The following SLC12A8 variants were observed in gnomAD, a reference collection of about 807,000 sequenced individuals.
The protein encoded by SLC12A8 is cation-chloride cotransporter 9.
In SLC12A8, 69 loss-of-function variants were observed where a neutral mutation model predicts 75.6. The ratio of observed to expected loss-of-function variants is 0.91; its 90% CI spans 0.75 to 1.11. The LOEUF (loss-of-function observed/expected upper bound fraction) is 1.11, where lower values mean the gene tolerates loss of function less well. SLC12A8 is among the 50% of genes most tolerant of loss of function. The pLI is 0.00. For missense variants in SLC12A8, 877 were observed against 896.7 expected (o/e 0.98, Z 0.28); for synonymous variants, 365 against 372.8 (o/e 0.98, Z 0.24).
chr3:125,153,997 C>T (rs1361270879), intron 5 of SLC12A8, among the ~76,000 whole-genome samples: 2 of 152,206 alleles, frequency 1.3e-5, no homozygotes, highest in African/African-American at 4.8e-5. Flanking sequence ...ACCCACCCAC[C>T]TTGGCCTCCC....
chr3:125,162,114 T>C (rs995265990), intron 5 of SLC12A8, among the ~76,000 whole-genome samples: 2 of 152,114 alleles, frequency 1.3e-5, no homozygotes, highest in African/African-American at 4.8e-5. Context: ...GCCTGGGGAG[T>C]ATCCATCGCC....
intron 5 of SLC12A8, among the ~76,000 whole-genome samples, chr3:125,162,265 C>T (rs2107778346): frequency 6.6e-6 from 1 of 152,332 alleles, no homozygotes; most frequent in South Asian, 2.1e-4. Flanking sequence ...GAGCCCCTGC[C>T]CACAGCAAGC....
intron 5 of SLC12A8, among the ~76,000 whole-genome samples, chr3:125,172,508 A>G (rs868785213): frequency 2.0e-5 from 3 of 152,296 alleles, no homozygotes; most frequent in South Asian, 2.1e-4. Flanking sequence ...AAGCCTTCAG[A>G]TGACCACAGA....
At chr3:125,208,525 A>T (rs994889394) in intron 2 of SLC12A8, among the ~76,000 whole-genome samples, 3 of 152,158 alleles carry the variant, frequency 2.0e-5, no homozygotes. Context: ...TACACAAATT[A>T]TCTCTTTTAA....
intron 5 of SLC12A8, among the ~76,000 whole-genome samples, chr3:125,146,113 A>G (rs1269319849): frequency 6.6e-6 from 1 of 152,246 alleles, no homozygotes; most frequent in Non-Finnish European, 1.5e-5. Context: ...TATAGGCATG[A>G]GCCACTGCGC....
chr3:125,187,255 C>A lies in SLC12A8; in HGVS notation c.372G>T (p.Leu124=). 2.5e-6 allele frequency: 4 copies of A among 1,614,164 alleles called. No homozygotes were observed. The highest frequency in any genetic ancestry group is 3.4e-6 in the Non-Finnish European group (4 of 1,180,008). ...LGGQTGGTIG[L]LYVFGQCVAG... is the part of the protein sequence containing the mutation. ...GCCTCACCTGTCCAAACACATAGAG[C>A]AGCCCGATGGTGCCTCCCGTCTGCC... Residue 124 remains leucine, a synonymous_variant, in exon 4 of 14, where the codon CTG becomes CTT. Transcript: ENST00000469902.
At chr3:125,119,765 C>T in intron 7 of SLC12A8, 2 of 434,720 alleles carry the variant, frequency 4.6e-6, no homozygotes, top group East Asian at 7.2e-5. Flanking sequence ...GAAACAGATA[C>T]ATTAATATTT....
intron 8 of SLC12A8, among the ~76,000 whole-genome samples, chr3:125,115,057 G>T (rs1230049419): frequency 6.6e-6 from 1 of 152,172 alleles, no homozygotes; most frequent in Non-Finnish European, 1.5e-5. Flanking sequence ...GAGTGTGGAA[G>T]GGAGTTAAAA....
chr3:125,099,800 C>T (rs1262062746), intron 10 of SLC12A8, among the ~76,000 whole-genome samples: 1 of 152,002 alleles, frequency 6.6e-6, no homozygotes, highest in Non-Finnish European at 1.5e-5. Context: ...TGGTGGTGGG[C>T]ATCTGTAATC....
intron 13 of SLC12A8, 71 bp downstream of exon 13, chr3:125,088,239 G>T: frequency 1.3e-6 from 2 of 1,496,582 alleles, no homozygotes; most frequent in Non-Finnish European, 9.3e-7. Flanking sequence ...GCCAGGAATG[G>T]GACACCCTTG....
intron 5 of SLC12A8, among the ~76,000 whole-genome samples, chr3:125,141,178 G>T (rs1933625648): frequency 1.4e-5 from 2 of 147,192 alleles, no homozygotes; most frequent in African/African-American, 2.5e-5. Context: ...GTGGGGTGGG[G>T]TGCGGGTAAG....
At chr3:125,126,727 C>T (rs904500368) in intron 6 of SLC12A8, among the ~76,000 whole-genome samples, 3 of 152,234 alleles carry the variant, frequency 2.0e-5, no homozygotes, top group Non-Finnish European at 4.4e-5. Context: ...CTCCTGGGGA[C>T]TTTTCAATCC....
intron 5 of SLC12A8, among the ~76,000 whole-genome samples, chr3:125,173,261 A>G (rs1180521761): frequency 9.2e-5 from 14 of 152,174 alleles, no homozygotes; most frequent in Admixed American, 9.2e-4. Context: ...AAGACTTACT[A>G]TAAAGCTGTA....
chr3:125,112,423 G>T (rs1939210774), intron 8 of SLC12A8, among the ~76,000 whole-genome samples: 1 of 151,950 alleles, frequency 6.6e-6, no homozygotes, highest in Admixed American at 6.6e-5. Context: ...CCATCCTGTG[G>T]GATAGTTAGT....
intron 5 of SLC12A8, among the ~76,000 whole-genome samples, chr3:125,150,455 A>G (rs948051775): frequency 2.0e-5 from 3 of 152,218 alleles, no homozygotes; most frequent in African/African-American, 7.2e-5. Context: ...AGTAAATCCC[A>G]TATACGTAGT....
Position 125,209,129 on chromosome 3 carries a change from A to T in SLC12A8, c.51+2170T>A, listed in dbSNP as rs539115457. ...CCAGGAAATTTCTTGAGGGCTAGCC[A>T]CTCCTAGAGTTCAGCTTCCAGCATT... On this transcript the variant is annotated intron_variant, in intron 2 of 13. Coordinates refer to ENST00000469902, the MANE Select transcript of SLC12A8 (RefSeq NM_024628.6). 3.9e-5 allele frequency among the ~76,000 whole-genome samples: 6 copies of T among 152,122 alleles called. No homozygotes were observed. The East Asian group carries it at 9.7e-4, about 24-fold the overall frequency.
At position 125,082,783 on chromosome 3, in the gene SLC12A8, A is replaced by C. The variant is rs1579455181; in HGVS notation, c.*1107T>G. 6.6e-6 allele frequency: 1 copy of C among 152,394 alleles called. No individual in the cohort carries two copies. Among genetic ancestry groups the C allele is most frequent in the Non-Finnish European group, 1.5e-5 (1 of 68,036 alleles). 9.4% of individuals were successfully genotyped at this position (152,394 alleles called of 1,614,324 possible). ...TATGCTTGCACATTTGTACAAGATT[A>C]TTCACTGCAGAGCTGATTGTCATTG... On this transcript the variant is annotated 3_prime_UTR_variant, in exon 14 of 14. Coordinates refer to ENST00000469902, the MANE Select transcript of SLC12A8 (RefSeq NM_024628.6).
chr3:125,146,799 C>T (rs1461673830), intron 5 of SLC12A8, among the ~76,000 whole-genome samples: 2 of 152,234 alleles, frequency 1.3e-5, no homozygotes, highest in Non-Finnish European at 2.9e-5. Flanking sequence ...GCCACCATGC[C>T]CAGCTAAGTT....
chr3:125,182,712 C>T (rs549120367), intron 4 of SLC12A8, among the ~76,000 whole-genome samples: 6 of 152,204 alleles, frequency 3.9e-5, no homozygotes, highest in South Asian at 2.1e-4. Flanking sequence ...TTCACCATAT[C>T]GGTCAGGCTG....
Sources: allele counts gnomAD v4.1 joint callset (sites outside exome capture counted in the v4.1 genomes callset), GRCh38; gene constraint gnomAD v4.1.1; transcripts MANE v1.5; gene names NCBI Gene and HGNC (gene_info 2026-07-23, HGNC 2026-07-21).